MYRFL: variants seen among roughly 807,000 people sequenced by gnomAD.
The protein encoded by MYRFL is myelin regulatory factor-like protein.
MYRFL carries 88 observed loss-of-function variants against 109.4 expected under a neutral mutation model. The observed-to-expected ratio is 0.80, with a 90% confidence interval of 0.68 to 0.96. The LOEUF is 0.96. Ranked by LOEUF, MYRFL falls within the 40% of genes least tolerant of loss-of-function variation. MYRFL has a pLI of 0.00. For missense variants in MYRFL, 957 were observed against 954.9 expected (o/e 1.00, Z -0.03); for synonymous variants, 324 against 320.9 (o/e 1.01, Z -0.10).
At chr12:69,938,541 A>ATAAT (rs1412021440) in intron 19 of MYRFL, among the ~76,000 whole-genome samples, 2 of 152,216 alleles carry the variant, frequency 1.3e-5, no homozygotes, top group East Asian at 1.9e-4. Flanking sequence ...CCATAAGATA[A>ATAAT]TAATTGAGCT....
chr12:69,889,872 G>A (rs1289939191), intron 6 of MYRFL, among the ~76,000 whole-genome samples: 1 of 151,890 alleles, frequency 6.6e-6, no homozygotes, highest in African/African-American at 2.4e-5. Flanking sequence ...AAAAAGTTTA[G>A]GATCTTGGAG....
chr12:69,950,615 C>T (rs941364363), intron 19 of MYRFL, among the ~76,000 whole-genome samples: 12 of 152,060 alleles, frequency 7.9e-5, no homozygotes, highest in African/African-American at 2.7e-4. Flanking sequence ...TATACTCACT[C>T]GAGAAGTAGT....
At chr12:69,895,552 C>T (rs1051266215) in intron 9 of MYRFL, 71 bp downstream of exon 9, 69 of 1,229,396 alleles carry the variant, frequency 5.6e-5, no homozygotes, top group Non-Finnish European at 7.3e-5. Context: ...CCTCCTGGGG[C>T]CCCTCTGATC....
intron 12 of MYRFL, 81 bp from the exon 13 acceptor site, chr12:69,910,740 A>C: frequency 9.7e-7 from 1 of 1,025,660 alleles, no homozygotes; most frequent in Non-Finnish European, 1.4e-6. Context: ...TGTATTGTAG[A>C]TCAAAGCAAA....
chr12:69,939,706 G>A (rs900302138), intron 19 of MYRFL, among the ~76,000 whole-genome samples: 3 of 152,208 alleles, frequency 2.0e-5, no homozygotes, highest in South Asian at 2.1e-4. Context: ...TGACTTTGAC[G>A]AGCTGAGAGA....
Position 69,936,105 on chromosome 12 carries a change from T to TTAAA in MYRFL, c.1917-7_1917-6insAAAT. On this transcript the variant is annotated splice_region_variant and splice_polypyrimidine_tract_variant and intron_variant, in intron 16 of 24. Coordinates refer to ENST00000552032, the MANE Select transcript of MYRFL (RefSeq NM_182530.3). ...TTTTTTTTTTTTTTTTTTTTTTTTT[T>TTAAA]TTGACAGTGCTTTGACGATAGTTGC... The TTAAA allele has an allele frequency of 7.5e-7, 1 of 1,327,168 alleles. No homozygotes were observed. The highest frequency in any genetic ancestry group is 1.0e-6 in the Non-Finnish European group (1 of 995,734). 82.2% of individuals were successfully genotyped at this position (1,327,168 alleles called of 1,614,324 possible).
At chr12:69,907,775 T>C (rs189532233) in intron 11 of MYRFL, among the ~76,000 whole-genome samples, 3 of 152,308 alleles carry the variant, frequency 2.0e-5, no homozygotes, top group Admixed American at 6.5e-5. Context: ...AATGAAACTT[T>C]TACTAAAATT....
intron 2 of MYRFL, among the ~76,000 whole-genome samples, chr12:69,874,069 C>T (rs1335742293): frequency 6.6e-6 from 1 of 152,234 alleles, no homozygotes; most frequent in Non-Finnish European, 1.5e-5. Context: ...ATCTCCAACT[C>T]CCATCCCCTA....
intron 21 of MYRFL, among the ~76,000 whole-genome samples, chr12:69,954,002 C>T (rs1013047147): frequency 4.6e-5 from 7 of 152,078 alleles, no homozygotes; most frequent in African/African-American, 9.7e-5. Context: ...GATTTATGAC[C>T]TCTATGTTCA....
intron 2 of MYRFL, among the ~76,000 whole-genome samples, chr12:69,864,112 G>A (rs185379640): frequency 1.3e-5 from 2 of 152,182 alleles, no homozygotes; most frequent in East Asian, 1.9e-4. Flanking sequence ...TTGATTATAT[G>A]TTTCTAGGTA....
intron 1 of MYRFL, among the ~76,000 whole-genome samples, chr12:69,845,479 G>A (rs768954847): frequency 6.6e-6 from 1 of 152,164 alleles, no homozygotes; most frequent in Non-Finnish European, 1.5e-5. Flanking sequence ...AATCCAGGAG[G>A]CATGTGGGAT....
intron 10 of MYRFL, among the ~76,000 whole-genome samples, chr12:69,900,076 T>A (rs965987703): frequency 6.6e-6 from 1 of 152,166 alleles, no homozygotes; most frequent in South Asian, 2.1e-4. Context: ...AAAGACACTC[T>A]AGGGTTTCCT....
intron 15 of MYRFL, 122 bp downstream of exon 15, chr12:69,927,870 T>G: frequency 4.8e-6 from 4 of 830,254 alleles, no homozygotes; most frequent in Non-Finnish European, 7.3e-6. Context: ...TGCATCCTTA[T>G]GTACTATATG....
intron 15 of MYRFL, among the ~76,000 whole-genome samples, chr12:69,930,065 C>G (rs1955221776): frequency 6.6e-6 from 1 of 152,210 alleles, no homozygotes; most frequent in African/African-American, 2.4e-5. Flanking sequence ...GACCTGCTAA[C>G]AGATCTGAGC....
rs1886488875 is a variant in MYRFL, at chr12:69,886,882, C to T, written c.619C>T (p.Pro207Ser). 6.5e-7 allele frequency: 1 copy of T among 1,535,916 alleles called. No homozygotes were observed. Among genetic ancestry groups the T allele is most frequent in the Non-Finnish European group, 8.7e-7 (1 of 1,146,726 alleles). ...DPDSEGQNRM[P>S]TDQCSPALKW... ...TGACAGTGAGGGACAGAACAGAATG[C>T]CTACAGACCAGTGCTCTCCTGCTCT... Residue 207 changes from proline to serine, a missense_variant, in exon 6 of 25, where the codon CCT (proline) becomes TCT (serine). Coordinates refer to ENST00000552032, the MANE Select transcript of MYRFL (RefSeq NM_182530.3).
At chr12:69,949,228 A>G (rs759397502) in intron 19 of MYRFL, among the ~76,000 whole-genome samples, 4 of 147,374 alleles carry the variant, frequency 2.7e-5, no homozygotes, top group Non-Finnish European at 6.0e-5. Context: ...TTGAACATAG[A>G]TCTAAATCTG....
In MYRFL at chr12:69,936,533, G is replaced by A. The variant is rs1592865993; in HGVS notation, c.2125G>A (p.Glu709Lys). The change falls in exon 19 of 25, where the codon GAG becomes AAG. Residue 709 changes from glutamate to lysine, a missense_variant. Glu to Lys is a moderately conservative substitution (Grantham distance 56, BLOSUM62 1). Transcript: ENST00000552032. ...ITFCEILPCQ[E>K]TYCCPIRGMK... is the part of the protein sequence containing the mutation. ...TTTCTGTGAAATCCTGCCGTGTCAGGAGACTTATTGCTGCCCCATCCGGGG... is the reference window on the plus strand; with the variant it reads ...TTTCTGTGAAATCCTGCCGTGTCAGAAGACTTATTGCTGCCCCATCCGGGG... The A allele has an allele frequency of 1.3e-6, 2 of 1,536,180 alleles. No individual in the cohort carries two copies. The highest frequency in any genetic ancestry group is 1.7e-6 in the Non-Finnish European group (2 of 1,146,924).
chr12:69,868,015 G>T (rs1335366454), intron 2 of MYRFL, among the ~76,000 whole-genome samples: 1 of 151,980 alleles, frequency 6.6e-6, no homozygotes, highest in Non-Finnish European at 1.5e-5. Flanking sequence ...ATAAACTCTG[G>T]TGGTAGACCA....
At chr12:69,869,692 A>T (rs1648047083) in intron 2 of MYRFL, among the ~76,000 whole-genome samples, 1 of 152,200 alleles carries the variant, frequency 6.6e-6, no homozygotes, top group Non-Finnish European at 1.5e-5. Context: ...GAAGGCACCG[A>T]GGGATTCATT....
Sources: allele counts gnomAD v4.1 joint callset (sites outside exome capture counted in the v4.1 genomes callset), GRCh38; gene constraint gnomAD v4.1.1; transcripts MANE v1.5; gene names NCBI Gene and HGNC (gene_info 2026-07-23, HGNC 2026-07-21).